The following NRIP1 variants were observed in gnomAD, a reference collection of about 807,000 sequenced individuals.
NRIP1 encodes nuclear receptor-interacting protein 1.
Under a neutral mutation model 75.0 loss-of-function variants are expected in NRIP1, and 28 were observed. The ratio of observed to expected loss-of-function variants is 0.37; its 90% CI spans 0.28 to 0.51. The LOEUF is 0.51. Among genes scored for constraint, NRIP1 ranks in the 20% least tolerant of loss-of-function variants. The probability of loss-of-function intolerance (pLI) is 0.92; values close to 1 mark genes in which losing one functional copy is unlikely to be tolerated. For missense variants in NRIP1, 1,435 were observed against 1,343.7 expected, an observed-to-expected ratio of 1.07 and a Z score of -1.06; for synonymous variants, 526 against 487.6, an observed-to-expected ratio of 1.08 and a Z score of -1.04.
intron 3 of NRIP1, among the ~76,000 whole-genome samples, chr21:15,006,022 A>T (rs915757278): frequency 6.6e-6 from 1 of 151,602 alleles, no homozygotes; most frequent in South Asian, 2.1e-4. Flanking sequence ...TAGAATTTTC[A>T]TTTTTAAAAA....
At chr21:15,016,720 T>A (rs1276654833) in intron 2 of NRIP1, among the ~76,000 whole-genome samples, 1 of 151,838 alleles carries the variant, frequency 6.6e-6, no homozygotes, top group Non-Finnish European at 1.5e-5. Flanking sequence ...CCATTTCTAC[T>A]AAAAATATAA....
At chr21:15,006,513 T>A (rs910258505) in intron 3 of NRIP1, among the ~76,000 whole-genome samples, 3 of 152,212 alleles carry the variant, frequency 2.0e-5, no homozygotes, top group Non-Finnish European at 4.4e-5. Context: ...AAAATCAGTG[T>A]GTCTCCATCT....
chr21:14,966,902 C>T lies in NRIP1; in HGVS notation c.1291G>A (p.Asp431Asn). The change falls in exon 4 of 4, where the codon GAT (aspartate) becomes AAT (asparagine). Residue 431 changes from aspartate (D) to asparagine (N), a missense_variant. Coordinates refer to ENST00000318948, the MANE Select transcript of NRIP1 (RefSeq NM_003489.4). ...ACACAGTTGGAATAAGAACTTTCAT[C>T]ACCACTGCTGTCATCTGTAAAACTA... is the stretch of plus-strand genomic sequence containing the variant. Reference protein sequence around the residue: ...NPSFTDDSSGDESSYSNCVPI... With the variant: ...NPSFTDDSSGNESSYSNCVPI... The T allele has an allele frequency of 1.2e-6, 2 of 1,614,092 alleles. No homozygotes were observed. Among genetic ancestry groups the T allele is most frequent in the South Asian group, 2.2e-5 (2 of 91,076 alleles).
chr21:14,965,960 C>T lies in NRIP1; in HGVS notation c.2233G>A (p.Ala745Thr). 1 of 1,614,066 alleles carries T rather than the reference C, an allele frequency of 6.2e-7. No individual in the cohort carries two copies. The highest frequency in any genetic ancestry group is 8.5e-7 in the Non-Finnish European group (1 of 1,179,960). ...ACCATCAGTATTTGTTCACTTAAAG[C>T]TCTCTCTGAGTGTTCCTGAGTACTT... ...DESTQEHSER[A>T]LSEQILMVKI... is the part of the protein sequence containing the mutation. The change falls in exon 4 of 4, where the codon GCT (alanine) becomes ACT (threonine). Residue 745 changes from alanine to threonine, a missense_variant. Coordinates refer to ENST00000318948, the MANE Select transcript of NRIP1 (RefSeq NM_003489.4).
At position 14,967,883 on chromosome 21, in the gene NRIP1, A is replaced by ATT; in HGVS notation, c.309_310insAA (p.Ser104AsnfsTer4). On this transcript the variant is annotated frameshift_variant, in exon 4 of 4. Coordinates refer to ENST00000318948, the MANE Select transcript of NRIP1 (RefSeq NM_003489.4). LOFTEE classifies it high-confidence loss of function. ...TTCTTTACGTTTAAATTCATGATAG[A>ATT]ATCAGACAGCCTCTTCCGCTTTGCT... is the stretch of plus-strand genomic sequence containing the variant. 1 of 1,614,104 alleles carries ATT rather than the reference A, an allele frequency of 6.2e-7. No individual in the cohort carries two copies. The highest frequency in any genetic ancestry group is 8.5e-7 in the Non-Finnish European group (1 of 1,180,024).
At chr21:14,996,750 C>T (rs1167090646) in intron 3 of NRIP1, among the ~76,000 whole-genome samples, 1 of 152,048 alleles carries the variant, frequency 6.6e-6, no homozygotes, top group African/African-American at 2.4e-5. Context: ...AATAAATGCA[C>T]GTCATTACTC....
At chr21:15,036,606 A>T (rs977688312) in intron 2 of NRIP1, among the ~76,000 whole-genome samples, 1 of 151,144 alleles carries the variant, frequency 6.6e-6, no homozygotes, top group Non-Finnish European at 1.5e-5. Flanking sequence ...GGAGGGGGGG[A>T]TATCTCTGAA....
chr21:15,040,098 C>T (rs1183378766), intron 2 of NRIP1, among the ~76,000 whole-genome samples: 1 of 152,054 alleles, frequency 6.6e-6, no homozygotes, highest in Admixed American at 6.5e-5. Context: ...ATACAGCAAT[C>T]ACTAGACACA....
intron 3 of NRIP1, among the ~76,000 whole-genome samples, chr21:15,007,615 T>G (rs1468038127): frequency 6.6e-6 from 1 of 152,166 alleles, no homozygotes; most frequent in African/African-American, 2.4e-5. Flanking sequence ...TCATTAAGTA[T>G]TAGGTAAGGG....
intron 3 of NRIP1, among the ~76,000 whole-genome samples, chr21:15,013,107 T>TA (rs890128821): frequency 5.9e-5 from 9 of 152,264 alleles, no homozygotes; most frequent in African/African-American, 2.2e-4. Flanking sequence ...TATATCTGAA[T>TA]AAAAAAATTT....
chr21:15,002,587 G>A (rs938765207), intron 3 of NRIP1, among the ~76,000 whole-genome samples: 1 of 151,924 alleles, frequency 6.6e-6, no homozygotes, highest in Admixed American at 6.6e-5. Context: ...TTAATCTCAG[G>A]GGCATAAAAT....
chr21:14,992,951 C>G, intron 3 of NRIP1: 1 of 153,604 alleles, frequency 6.5e-6, no homozygotes, highest in South Asian at 2.1e-4. Flanking sequence ...TGCATCTCTA[C>G]TTTTAACTAT....
At position 14,986,733 on chromosome 21, in the gene NRIP1, T is replaced by C. The variant is rs1379350266; in HGVS notation, c.-334-18207A>G. Among the ~76,000 whole-genome samples, 4 of 152,186 alleles carry C rather than the reference T, an allele frequency of 2.6e-5. No homozygotes were observed. In the East Asian group the frequency reaches 7.7e-4, roughly 29 times the overall value. On this transcript the variant is annotated intron_variant, in intron 3 of 3. Coordinates refer to ENST00000318948, the MANE Select transcript of NRIP1 (RefSeq NM_003489.4). ...TTGTCTATAATTAGAAAACGGAGAT[T>C]TTTGGCATATATTTTATTCATTTGA...
chr21:14,978,823 A>C (rs892691309), intron 3 of NRIP1, among the ~76,000 whole-genome samples: 5 of 152,212 alleles, frequency 3.3e-5, no homozygotes, highest in African/African-American at 1.2e-4. Flanking sequence ...AAAGTTGGAG[A>C]TTTTAAGTTA....
At position 14,966,878 on chromosome 21, in the gene NRIP1, C is replaced by A; in HGVS notation, c.1315G>T (p.Val439Phe). ...TGTTTGCAAGACAAGTCTATGGGAA[C>A]ACAGTTGGAATAAGAACTTTCATCA... ...SGDESSYSNC[V>F]PIDLSCKHRT... The change falls in exon 4 of 4, where the codon GTT becomes TTT. Residue 439 changes from valine to phenylalanine, a missense_variant. Coordinates refer to ENST00000318948, the MANE Select transcript of NRIP1 (RefSeq NM_003489.4). 6.2e-7 allele frequency: 1 copy of A among 1,614,080 alleles called. No homozygotes were observed. The highest frequency in any genetic ancestry group is 1.1e-5 in the South Asian group (1 of 91,076).
In NRIP1 at chr21:14,963,221, T is replaced by C. The variant is rs2086635945; in HGVS notation, c.*1495A>G. The C allele has an allele frequency of 6.6e-6, 1 of 152,508 alleles. No individual in the cohort carries two copies. Among genetic ancestry groups the C allele is most frequent in the African/African-American group, 2.4e-5 (1 of 41,432 alleles). The allele number at this position is 152,508 out of a possible 1,614,324, so 9.4% of individuals were successfully genotyped here. ...CTTCTTGGGTTTAAACTAAATGTTG[T>C]AAGCTTTGTTGGCATTGTTCTTAGG... On this transcript the variant is annotated 3_prime_UTR_variant, in exon 4 of 4. Coordinates refer to ENST00000318948, the MANE Select transcript of NRIP1 (RefSeq NM_003489.4).
At chr21:15,034,963 G>C (rs886781543) in intron 2 of NRIP1, among the ~76,000 whole-genome samples, 1 of 152,116 alleles carries the variant, frequency 6.6e-6, no homozygotes, top group Non-Finnish European at 1.5e-5. Flanking sequence ...GCATTACACT[G>C]ATGCACTTTA....
intron 3 of NRIP1, among the ~76,000 whole-genome samples, chr21:14,972,243 T>C (rs888316742): frequency 6.6e-6 from 1 of 152,154 alleles, no homozygotes; most frequent in Non-Finnish European, 1.5e-5. Context: ...TTCTATCTCT[T>C]AAACTAGAGA....
chr21:14,976,158 TC>T (rs1043202789), intron 3 of NRIP1, among the ~76,000 whole-genome samples: 2 of 152,192 alleles, frequency 1.3e-5, no homozygotes, highest in Non-Finnish European at 2.9e-5. Context: ...AACAGAATCT[TC>T]CTTTTATTAA....
Sources: allele counts gnomAD v4.1 joint callset (sites outside exome capture counted in the v4.1 genomes callset), GRCh38; gene constraint gnomAD v4.1.1; transcripts MANE v1.5; gene names NCBI Gene and HGNC (gene_info 2026-07-23, HGNC 2026-07-21).